Variants in ATP6V1C1 observed in about 807,000 individuals in gnomAD.
The protein encoded by ATP6V1C1 is V-type proton ATPase subunit C 1.
In ATP6V1C1, 45 loss-of-function variants were observed where a neutral mutation model predicts 53.9. That is an observed-to-expected ratio of 0.83 (90% CI 0.66 to 1.07). ATP6V1C1 has a LOEUF of 1.07. ATP6V1C1 is among the 50% of genes least tolerant of loss of function. The pLI, the probability that ATP6V1C1 is intolerant of heterozygous loss-of-function variation, is 0.00. For synonymous variants in ATP6V1C1, 153 were observed against 155.2 expected (o/e 0.99, Z 0.11); for missense variants, 315 against 440.3 (o/e 0.72, Z 2.55).
At chr8:103,063,262 T>A (rs1427526543) in intron 10 of ATP6V1C1, 34 bp downstream of exon 10, 3 of 1,377,598 alleles carry the variant, frequency 2.2e-6, no homozygotes, top group Non-Finnish European at 3.0e-6. Flanking sequence ...TTATCAGTAC[T>A]AAGCAGAAGA....
chr8:103,036,335 A>T (rs888612236), intron 1 of ATP6V1C1, among the ~76,000 whole-genome samples: 3 of 152,166 alleles, frequency 2.0e-5, no homozygotes, highest in African/African-American at 7.2e-5. Context: ...CTTAGAAGGC[A>T]CCTTTTCCTT....
chr8:103,049,047 A>G (rs1817154682), intron 4 of ATP6V1C1, 92 bp downstream of exon 4: 1 of 1,171,504 alleles, frequency 8.5e-7, no homozygotes, highest in African/African-American at 1.6e-5. Flanking sequence ...AAGTCTACAG[A>G]AAAGGACACT....
At chr8:103,044,960 G>T (rs1168381877) in intron 3 of ATP6V1C1, among the ~76,000 whole-genome samples, 1 of 152,072 alleles carries the variant, frequency 6.6e-6, no homozygotes, top group Non-Finnish European at 1.5e-5. Context: ...TGAAATTCAG[G>T]TACATGTGTA....
At chr8:103,054,800 C>T (rs1257599449) in intron 7 of ATP6V1C1, among the ~76,000 whole-genome samples, 4 of 152,040 alleles carry the variant, frequency 2.6e-5, no homozygotes, top group African/African-American at 9.7e-5. Flanking sequence ...GGGATCCAAA[C>T]TCAGGTGGGA....
At position 103,063,021 on chromosome 8, in the gene ATP6V1C1, C is replaced by CT. The variant is rs1817429667; in HGVS notation, c.710dup (p.Arg238GlnfsTer13). The CT allele has an allele frequency of 6.2e-7, 1 of 1,613,748 alleles. No individual in the cohort carries two copies. Reference sequence around the variant, plus strand: ...CCTTGTTTAGGAAGGCAGTTGATGACTTCAGACACAAAGCCAGAGAAAACA... The same window carrying CT: ...CCTTGTTTAGGAAGGCAGTTGATGACTTTCAGACACAAAGCCAGAGAAAACA... On this transcript the variant is annotated frameshift_variant, in exon 9 of 13. Transcript: ENST00000518738. LOFTEE classifies it high-confidence loss of function.
chr8:103,033,577 C>T (rs1816836094), intron 1 of ATP6V1C1, among the ~76,000 whole-genome samples: 1 of 152,080 alleles, frequency 6.6e-6, no homozygotes, highest in Non-Finnish European at 1.5e-5. Context: ...AAGACAGATA[C>T]TAGTAAAAAG....
At chr8:103,048,682 T>C (rs573632820) in intron 3 of ATP6V1C1, among the ~76,000 whole-genome samples, 188 bp from the exon 4 acceptor site, 1 of 152,362 alleles carries the variant, frequency 6.6e-6, no homozygotes, top group South Asian at 2.1e-4. Context: ...GATTTTTGCA[T>C]GTAACAAAGT....
At chr8:103,053,689 A>G (rs572157383) in intron 6 of ATP6V1C1, among the ~76,000 whole-genome samples, 195 bp from the exon 7 acceptor site, 5 of 152,132 alleles carry the variant, frequency 3.3e-5, no homozygotes, top group East Asian at 1.9e-4. Context: ...AAATTTTGGT[A>G]GAAGATATTT....
chr8:103,039,675 C>G (rs1375135373), intron 1 of ATP6V1C1, among the ~76,000 whole-genome samples: 1 of 152,048 alleles, frequency 6.6e-6, no homozygotes, highest in South Asian at 2.1e-4. Flanking sequence ...GCTTTACCTA[C>G]CTAGATTCTG....
chr8:103,061,874 A>T (rs559908313), intron 8 of ATP6V1C1, among the ~76,000 whole-genome samples: 1 of 152,336 alleles, frequency 6.6e-6, no homozygotes, highest in African/African-American at 2.4e-5. Flanking sequence ...ACTTCTATAC[A>T]GGAGGCACTA....
At chr8:103,033,167 C>T (rs1816828395) in intron 1 of ATP6V1C1, among the ~76,000 whole-genome samples, 3 of 152,086 alleles carry the variant, frequency 2.0e-5, no homozygotes, top group Non-Finnish European at 4.4e-5. Context: ...CAACATTTGC[C>T]CAGGGCTGGC....
intron 12 of ATP6V1C1, among the ~76,000 whole-genome samples, chr8:103,067,396 C>CAAAAA (rs751801442): frequency 4.2e-5 from 3 of 71,950 alleles, no homozygotes; most frequent in Admixed American, 1.7e-4. Context: ...GACTCCGTCC[C>CAAAAA]AAAAAAAAAA....
At chr8:103,025,627 G>A (rs1255794476) in intron 1 of ATP6V1C1, among the ~76,000 whole-genome samples, 2 of 152,128 alleles carry the variant, frequency 1.3e-5, no homozygotes, top group Non-Finnish European at 2.9e-5. Flanking sequence ...AACTCAAATA[G>A]AGTCCCCTTA....
chr8:103,057,276 G>A (rs1817304350), intron 8 of ATP6V1C1, among the ~76,000 whole-genome samples: 1 of 152,176 alleles, frequency 6.6e-6, no homozygotes, highest in Non-Finnish European at 1.5e-5. Context: ...AGCCTCATTG[G>A]TTGCAGAAAG....
chr8:103,036,162 G>C (rs1586311741), intron 1 of ATP6V1C1, among the ~76,000 whole-genome samples: 1 of 152,328 alleles, frequency 6.6e-6, no homozygotes, highest in African/African-American at 2.4e-5. Context: ...ACAATAGAGA[G>C]AACATGGTCT....
At chr8:103,037,339 A>T (rs1211108308) in intron 1 of ATP6V1C1, among the ~76,000 whole-genome samples, 1 of 152,070 alleles carries the variant, frequency 6.6e-6, no homozygotes, top group Non-Finnish European at 1.5e-5. Context: ...TTTATTTTTT[A>T]AAAATAAAAA....
At chr8:103,046,974 T>C (rs1041923338) in intron 3 of ATP6V1C1, among the ~76,000 whole-genome samples, 1 of 152,188 alleles carries the variant, frequency 6.6e-6, no homozygotes. Context: ...TGGGTAAACA[T>C]GCAACATTTT....
At chr8:103,063,303 A>G in intron 10 of ATP6V1C1, 75 bp downstream of exon 10, 1 of 998,948 alleles carries the variant, frequency 1.0e-6, no homozygotes, top group Non-Finnish European at 1.4e-6. Flanking sequence ...TTGATTTAAA[A>G]GAAAGTAAAA....
Position 103,050,988 on chromosome 8 carries a change from G to A in ATP6V1C1, c.287-62G>A, listed in dbSNP as rs1817190471. 6.2e-6 allele frequency: 7 copies of A among 1,127,648 alleles called. No individual in the cohort carries two copies. The Middle Eastern group carries it at 7.7e-4, about 124-fold the overall frequency. 69.9% of individuals were successfully genotyped at this position (1,127,648 alleles called of 1,614,324 possible). On this transcript the variant is annotated intron_variant, in intron 4 of 12. Coordinates refer to ENST00000518738, the MANE Select transcript of ATP6V1C1 (RefSeq NM_001695.5). ...AATTTCAGCATTAAAATATATCGCT[G>A]TGTAAAAAACTGAACAATTCTATTG...
Sources: allele counts gnomAD v4.1 joint callset (sites outside exome capture counted in the v4.1 genomes callset), GRCh38; gene constraint gnomAD v4.1.1; transcripts MANE v1.5; gene names NCBI Gene and HGNC (gene_info 2026-07-23, HGNC 2026-07-21).